The following SLC35F4 variants were observed in gnomAD, a reference collection of about 807,000 sequenced individuals.
SLC35F4 encodes the protein solute carrier family 35 member F4.
A neutral mutation model predicts 44.2 loss-of-function variants in SLC35F4; 24 were observed. That is an observed-to-expected ratio of 0.54 (90% CI 0.39 to 0.76). The LOEUF (loss-of-function observed/expected upper bound fraction) is 0.76, where lower values mean the gene tolerates loss of function less well. Among genes scored for constraint, SLC35F4 ranks in the 30% least tolerant of loss-of-function variants. The pLI is 0.00. For synonymous variants in SLC35F4, 238 were observed against 223.6 expected, an observed-to-expected ratio of 1.06 and a Z score of -0.57; for missense variants, 562 against 586.1, an observed-to-expected ratio of 0.96 and a Z score of 0.42.
At chr14:57,630,478 T>C in intron 1 of SLC35F4, 1 of 903,782 alleles carries the variant, frequency 1.1e-6, no homozygotes, top group Non-Finnish European at 1.8e-6. Context: ...AAATGAAGGC[T>C]GAATCACATT....
intron 1 of SLC35F4, among the ~76,000 whole-genome samples, chr14:57,899,538 A>T (rs769524206): frequency 2.6e-5 from 4 of 152,242 alleles, no homozygotes; most frequent in Non-Finnish European, 5.9e-5. Context: ...GATATGTACA[A>T]TTCCAAATCA....
intron 1 of SLC35F4, among the ~76,000 whole-genome samples, chr14:57,889,285 C>G (rs1335522): frequency 0.039 from 5,930 of 152,284 alleles, 405 homozygotes; most frequent in African/African-American, 0.14. Flanking sequence ...CTTCCTAAAC[C>G]AGTGCCAGGA....
intron 1 of SLC35F4, among the ~76,000 whole-genome samples, chr14:57,648,982 C>T (rs192082797): frequency 1.4e-4 from 21 of 151,186 alleles, no homozygotes; most frequent in Non-Finnish European, 1.2e-4. Flanking sequence ...GTCCTTCCTT[C>T]CTGTCTGCAC....
chr14:57,654,199 G>C (rs886924368), intron 1 of SLC35F4, among the ~76,000 whole-genome samples: 1 of 152,204 alleles, frequency 6.6e-6, no homozygotes, highest in South Asian at 2.1e-4. Context: ...ACATGAATTA[G>C]TTCTTTAGTG....
chr14:57,941,402 G>C (rs910692960), intron 1 of SLC35F4, among the ~76,000 whole-genome samples: 2 of 152,144 alleles, frequency 1.3e-5, no homozygotes, highest in African/African-American at 4.8e-5. Context: ...GATGAACCTT[G>C]AAAACATTGT....
rs527726243 is a variant in SLC35F4 at position 57,837,101 on chromosome 14, T to C, written c.103+28622A>G. Among the ~76,000 whole-genome samples, 20 of 152,328 alleles carry C rather than the reference T, an allele frequency of 1.3e-4. 1 individual carries two copies. The South Asian group carries it at 3.9e-3, about 30-fold the overall frequency. Reference sequence around the variant, plus strand: ...AAATGTTACACTGGTCTTCCACTTATACATCCTCATTGTCAGAAGGAGAAG... The same window carrying C: ...AAATGTTACACTGGTCTTCCACTTACACATCCTCATTGTCAGAAGGAGAAG... On this transcript the variant is annotated intron_variant, in intron 1 of 7. Transcript: ENST00000556826.
At chr14:57,835,410 T>C (rs1884818792) in intron 1 of SLC35F4, among the ~76,000 whole-genome samples, 1 of 152,016 alleles carries the variant, frequency 6.6e-6, no homozygotes, top group Admixed American at 6.6e-5. Flanking sequence ...AATGGAAAAA[T>C]TTGCATAAAT....
intron 1 of SLC35F4, among the ~76,000 whole-genome samples, chr14:57,871,155 G>C (rs766535019): frequency 6.6e-6 from 1 of 152,198 alleles, no homozygotes; most frequent in African/African-American, 2.4e-5. Context: ...AGCTTCAGCA[G>C]ATATTCTGGT....
chr14:57,670,006 G>A (rs1220710487), intron 1 of SLC35F4, among the ~76,000 whole-genome samples: 1 of 152,030 alleles, frequency 6.6e-6, no homozygotes, highest in African/African-American at 2.4e-5. Flanking sequence ...CTCAATTTCA[G>A]AGCCTGTTAT....
At chr14:57,584,498 G>A (rs1361790883) in intron 3 of SLC35F4, among the ~76,000 whole-genome samples, 3 of 152,134 alleles carry the variant, frequency 2.0e-5, no homozygotes, top group East Asian at 1.9e-4. Flanking sequence ...AAAAAAGATC[G>A]AGAATCTAAG....
At chr14:57,623,945 AAGATT>A (rs1342471816) in intron 1 of SLC35F4, among the ~76,000 whole-genome samples, 1 of 152,198 alleles carries the variant, frequency 6.6e-6, no homozygotes, top group Non-Finnish European at 1.5e-5. Flanking sequence ...AGAAATAACT[AAGATT>A]AGAGCAGAAC....
intron 1 of SLC35F4, among the ~76,000 whole-genome samples, chr14:57,818,773 G>A (rs1566879528): frequency 6.6e-6 from 1 of 152,238 alleles, no homozygotes; most frequent in South Asian, 2.1e-4. Context: ...ACAGAAGAGT[G>A]TGCTGATGAA....
chr14:57,664,324 T>C (rs1023347103), intron 1 of SLC35F4, among the ~76,000 whole-genome samples: 2 of 152,188 alleles, frequency 1.3e-5, no homozygotes, highest in African/African-American at 4.8e-5. Context: ...CATTGTTATT[T>C]GTTACCATAA....
In SLC35F4 at chr14:57,720,979, CATATATATATATATATAT is replaced by C. The variant is rs3062932; in HGVS notation, c.104-126873_104-126856del. Among the ~76,000 whole-genome samples, 140 of 49,810 alleles carry C rather than the reference CATATATATATATATATAT, an allele frequency of 2.8e-3. 1 individual carries two copies. The highest frequency in any genetic ancestry group is 8.5e-3 in the African/African-American group (131 of 15,340). The allele number at this position is 49,810 out of a possible 152,430, so 32.7% of individuals were successfully genotyped here. Reference sequence around the variant, plus strand: ...TGATTGTGTGAGTTAATAAACTCCTCATATATATATATATATATATATATATATATATATATGAGTTAA... The same window carrying C: ...TGATTGTGTGAGTTAATAAACTCCTCATATATATATATATATATGAGTTAA... On this transcript the variant is annotated intron_variant, in intron 1 of 7. Transcript: ENST00000556826.
chr14:57,813,586 T>C (rs1338542713), intron 1 of SLC35F4, among the ~76,000 whole-genome samples: 1 of 152,176 alleles, frequency 6.6e-6, no homozygotes, highest in African/African-American at 2.4e-5. Context: ...TAATAAATAT[T>C]AATGCTTCCT....
chr14:57,804,081 TGAG>T (rs1349011772), intron 1 of SLC35F4, among the ~76,000 whole-genome samples: 1 of 152,052 alleles, frequency 6.6e-6, no homozygotes, highest in African/African-American at 2.4e-5. Flanking sequence ...AGGACTTCTT[TGAG>T]GAGAACTACA....
chr14:57,670,680 C>T (rs1330412511), intron 1 of SLC35F4, among the ~76,000 whole-genome samples: 1 of 151,912 alleles, frequency 6.6e-6, no homozygotes, highest in Non-Finnish European at 1.5e-5. Context: ...TTTGATTGCA[C>T]TGTGGTCTGA....
intron 1 of SLC35F4, among the ~76,000 whole-genome samples, chr14:57,932,608 G>A (rs2141066826): frequency 6.6e-6 from 1 of 152,250 alleles, no homozygotes; most frequent in East Asian, 1.9e-4. Flanking sequence ...CAACACTTTG[G>A]GAGGCTGAGG....
intron 1 of SLC35F4, among the ~76,000 whole-genome samples, chr14:57,979,086 T>G (rs910917911): frequency 6.6e-6 from 1 of 152,196 alleles, no homozygotes; most frequent in African/African-American, 2.4e-5. Context: ...AGATAAGGAC[T>G]CCATCCCTCA....
Sources: allele counts gnomAD v4.1 joint callset (sites outside exome capture counted in the v4.1 genomes callset), GRCh38; gene constraint gnomAD v4.1.1; transcripts MANE v1.5; gene names NCBI Gene and HGNC (gene_info 2026-07-23, HGNC 2026-07-21).